EIF4E2: variants seen among roughly 807,000 people sequenced by gnomAD.
EIF4E2 encodes the protein eukaryotic translation initiation factor 4E family member 2.
A neutral mutation model predicts 34.2 loss-of-function variants in EIF4E2; 13 were observed. The ratio of observed to expected loss-of-function variants is 0.38; its 90% CI spans 0.25 to 0.60. The LOEUF is 0.60. Among genes scored for constraint, EIF4E2 ranks in the 20% least tolerant of loss-of-function variants. The pLI, the probability that EIF4E2 is intolerant of heterozygous loss-of-function variation, is 0.62. For missense variants in EIF4E2, 222 were observed against 315.1 expected (o/e 0.70, Z 2.24); for synonymous variants, 100 against 106.6 (o/e 0.94, Z 0.38).
intron 1 of EIF4E2, among the ~76,000 whole-genome samples, chr2:232,553,685 A>C (rs1004238037): frequency 2.0e-5 from 3 of 152,182 alleles, no homozygotes; most frequent in Non-Finnish European, 4.4e-5. Context: ...TTTGCCTTAA[A>C]TGTAGGCTTA....
At chr2:232,560,682 C>A (rs1692691424) in intron 3 of EIF4E2, among the ~76,000 whole-genome samples, 1 of 152,152 alleles carries the variant, frequency 6.6e-6, no homozygotes, top group African/African-American at 2.4e-5. Flanking sequence ...AGATAGCCTA[C>A]AAAATGGGAG....
intron 6 of EIF4E2, among the ~76,000 whole-genome samples, chr2:232,579,062 A>G (rs1693283597): frequency 6.6e-6 from 1 of 151,968 alleles, no homozygotes; most frequent in South Asian, 2.1e-4. Context: ...AGGTACAAAA[A>G]AAGTGTCTTT....
At chr2:232,567,428 C>A in intron 6 of EIF4E2, 1 of 1,361,850 alleles carries the variant, frequency 7.3e-7, no homozygotes, top group Non-Finnish European at 9.4e-7. Flanking sequence ...GCAGAGAGAG[C>A]CCATCTGCAG....
chr2:232,580,017 G>A (rs1159986671), intron 6 of EIF4E2, among the ~76,000 whole-genome samples: 1 of 151,530 alleles, frequency 6.6e-6, no homozygotes, highest in Non-Finnish European at 1.5e-5. Flanking sequence ...CTAGTGGCTG[G>A]TCAAGCCTGT....
intron 1 of EIF4E2, among the ~76,000 whole-genome samples, chr2:232,554,906 G>T (rs1269904467): frequency 1.3e-5 from 2 of 152,154 alleles, no homozygotes; most frequent in Non-Finnish European, 2.9e-5. Flanking sequence ...TTTGAGCAAG[G>T]CTCTGGGGCA....
At chr2:232,553,522 G>A (rs978781433) in intron 1 of EIF4E2, among the ~76,000 whole-genome samples, 11 of 152,200 alleles carry the variant, frequency 7.2e-5, no homozygotes, top group Admixed American at 3.3e-4. Flanking sequence ...GAGGAAATAC[G>A]TGGGCAGAAG....
In EIF4E2 at chr2:232,581,282, G is replaced by A. The variant is rs192216228; in HGVS notation, c.*339G>A. 8.5e-4 allele frequency: 355 copies of A among 419,656 alleles called. 2 individuals carry two copies. Among genetic ancestry groups the A allele is most frequent in the African/African-American group, 6.4e-3 (317 of 49,380 alleles). 26.0% of individuals were successfully genotyped at this position (419,656 alleles called of 1,614,324 possible). A position where few individuals can be genotyped will look rare whatever the true frequency, so the allele number is the denominator to read the frequency against. ...CTTCCCGTGTTGTACGAAGGGTACC[G>A]TGGCCACGTGTACATGCCAGAGCTG... On this transcript the variant is annotated 3_prime_UTR_variant, in exon 7 of 7. Transcript: ENST00000409098. This position sits in a 1 kb window ranked among gnomAD's most constrained non-coding sequence, Gnocchi z 5.2.
intron 3 of EIF4E2, chr2:232,558,507 A>G (rs1692601830): frequency 6.6e-6 from 1 of 151,270 alleles, no homozygotes; most frequent in South Asian, 2.1e-4. Flanking sequence ...CTGGTCTGGA[A>G]CTCCTGACCT....
At chr2:232,557,127 C>T (rs1692549900) in intron 2 of EIF4E2, among the ~76,000 whole-genome samples, 2 of 152,160 alleles carry the variant, frequency 1.3e-5, no homozygotes, top group African/African-American at 4.8e-5. Context: ...TGCCTGAAGT[C>T]CCAGCTACTG....
rs985378904 is a variant in EIF4E2, at chr2:232,567,084, A to G, written c.535A>G (p.Ile179Val). The change falls in exon 6 of 7, where the codon ATT (isoleucine) becomes GTT (valine). Residue 179 changes from isoleucine to valine, a missense_variant. Ile to Val is a conservative substitution (Grantham distance 29). Transcript: ENST00000258416. ...CCTTCTGTTCCTCTGGTAGGAAGAC[A>G]TTATTTCAATATGGAATAAGACTGC... ...AVVSVRFQED[I>V]ISIWNKTASD... 1 of 1,613,774 alleles carries G rather than the reference A, an allele frequency of 6.2e-7. No individual in the cohort carries two copies. The highest frequency in any genetic ancestry group is 8.5e-7 in the Non-Finnish European group (1 of 1,179,828).
At chr2:232,555,037 C>T (rs1050179788) in intron 1 of EIF4E2, among the ~76,000 whole-genome samples, 1 of 152,158 alleles carries the variant, frequency 6.6e-6, no homozygotes, top group African/African-American at 2.4e-5. Context: ...TATCCTACAG[C>T]TAGGGCTGTG....
intron 4 of EIF4E2, 44 bp downstream of exon 4, chr2:232,564,395 GT>G: frequency 4.8e-6 from 6 of 1,246,900 alleles, no homozygotes; most frequent in East Asian, 2.6e-5. Flanking sequence ...GCAAGTTTGG[GT>G]TTTTTTGTTT....
chr2:232,569,091 C>G lies in EIF4E2; in HGVS notation c.*74C>G. 1.3e-6 allele frequency: 2 copies of G among 1,579,868 alleles called. No homozygotes were observed. Among genetic ancestry groups the G allele is most frequent in the South Asian group, 1.1e-5 (1 of 87,380 alleles). ...GTCTCTTGTTCTGTTGGCGTGCTACCTGGAAGATCCTTCTGTCCTGGACAA... is the reference window on the plus strand; with the variant it reads ...GTCTCTTGTTCTGTTGGCGTGCTACGTGGAAGATCCTTCTGTCCTGGACAA... On this transcript the variant is annotated 3_prime_UTR_variant, in exon 7 of 7. Coordinates refer to ENST00000258416, the MANE Select transcript of EIF4E2 (RefSeq NM_004846.4).
At chr2:232,572,315 C>A (rs184307193), downstream of EIF4E2, among the ~76,000 whole-genome samples, 437 of 152,190 alleles carry the variant, frequency 2.9e-3, 2 homozygotes, top group African/African-American at 9.7e-3. Context: ...GATTATGGCC[C>A]ACTATTTTAT....
At chr2:232,579,946 CAGAT>C (rs1693305529) in intron 6 of EIF4E2, among the ~76,000 whole-genome samples, 1 of 152,140 alleles carries the variant, frequency 6.6e-6, no homozygotes, top group Non-Finnish European at 1.5e-5. Context: ...TGTTGAGACT[CAGAT>C]GGTGACAGGA....
Position 232,565,329 on chromosome 2 carries a change from G to T in EIF4E2, c.375+978G>T, listed in dbSNP as rs185577826. On this transcript the variant is annotated intron_variant, in intron 4 of 6. Coordinates refer to ENST00000258416, the MANE Select transcript of EIF4E2 (RefSeq NM_004846.4). ...CAGCTGCTTTTCCTGACTCACTCCC[G>T]TTGACCTTAAGACCCACTTCTTGGC... Among the ~76,000 whole-genome samples the T allele has an allele frequency of 2.6e-5, 4 of 152,028 alleles. No individual in the cohort carries two copies. In the East Asian group the frequency reaches 7.7e-4, roughly 29 times the overall value.
At chr2:232,580,016 G>A (rs1440205017) in intron 6 of EIF4E2, among the ~76,000 whole-genome samples, 1 of 151,470 alleles carries the variant, frequency 6.6e-6, no homozygotes, top group East Asian at 1.9e-4. Flanking sequence ...ACTAGTGGCT[G>A]GTCAAGCCTG....
At chr2:232,560,337 A>G (rs894879236) in intron 3 of EIF4E2, among the ~76,000 whole-genome samples, 2 of 152,248 alleles carry the variant, frequency 1.3e-5, no homozygotes, top group Non-Finnish European at 2.9e-5. Context: ...GACACCATAC[A>G]CAAAAAGTAA....
In EIF4E2 at chr2:232,564,309, T is replaced by C. The variant is rs1457731352; in HGVS notation, c.333T>C (p.Ser111=). ...MVRPGDLTGH[S]DFHLFKEGIK... ...GTCCTGGGGACCTGACAGGCCACAG[T>C]GACTTCCATCTCTTCAAAGAAGGAA... Residue 111 remains serine, a synonymous_variant, in exon 4 of 7, where the codon AGT becomes AGC. Coordinates refer to ENST00000258416, the MANE Select transcript of EIF4E2 (RefSeq NM_004846.4). The C allele has an allele frequency of 6.3e-7, 1 of 1,595,216 alleles. No homozygotes were observed. Among genetic ancestry groups the C allele is most frequent in the South Asian group, 1.1e-5 (1 of 87,748 alleles).
Sources: gnomAD v4.1 joint callset for allele counts (sites outside exome capture counted in the v4.1 genomes callset) on GRCh38, gnomAD v4.1.1 for gene constraint, Gnocchi (gnomAD v3.1) non-coding constraint, MANE v1.5 for transcripts, NCBI Gene and HGNC (gene_info 2026-07-23, HGNC 2026-07-21) for gene names.